The following NAALADL2 variants were observed in gnomAD, a reference collection of about 807,000 sequenced individuals.
NAALADL2 encodes the protein N-acetylated alpha-linked acidic dipeptidase like 2, also known as inactive N-acetylated-alpha-linked acidic dipeptidase-like protein 2.
A neutral mutation model predicts 87.2 loss-of-function variants in NAALADL2; 76 were observed. That is an observed-to-expected ratio of 0.87 (90% CI 0.72 to 1.05). The LOEUF (loss-of-function observed/expected upper bound fraction) is 1.05. Among genes scored for constraint, NAALADL2 ranks in the 50% least tolerant of loss-of-function variants. NAALADL2 has a pLI of 0.00. For missense variants in NAALADL2, 1,089 were observed against 945.8 expected, an observed-to-expected ratio of 1.15 and a Z score of -1.99; for synonymous variants, 354 against 331.0, an observed-to-expected ratio of 1.07 and a Z score of -0.75.
intron 4 of NAALADL2, among the ~76,000 whole-genome samples, chr3:175,267,298 T>C (rs189658240): frequency 1.3e-3 from 202 of 152,242 alleles, no homozygotes; most frequent in African/African-American, 4.7e-3. Flanking sequence ...AATTGTGTGC[T>C]CTAATTGATT....
intron 1 of NAALADL2, among the ~76,000 whole-genome samples, chr3:175,072,895 A>T (rs1436882857): frequency 6.6e-6 from 1 of 151,936 alleles, no homozygotes; most frequent in African/African-American, 2.4e-5. Flanking sequence ...AGAGGCAAAA[A>T]AGTCACTCTG....
At chr3:174,451,794 C>T (rs1008494754) in intron 1 of NAALADL2, among the ~76,000 whole-genome samples, 1 of 144,562 alleles carries the variant, frequency 6.9e-6, no homozygotes, top group Non-Finnish European at 1.5e-5. Flanking sequence ...CAAAAATAAT[C>T]AAAATCAATA....
At chr3:175,101,515 T>C (rs921678892) in intron 2 of NAALADL2, among the ~76,000 whole-genome samples, 2 of 152,178 alleles carry the variant, frequency 1.3e-5, no homozygotes, top group Non-Finnish European at 2.9e-5. Flanking sequence ...AAGCCTCTAA[T>C]AATGTATTTT....
At chr3:174,739,816 T>A (rs1733593402) in intron 3 of NAALADL2, among the ~76,000 whole-genome samples, 1 of 152,078 alleles carries the variant, frequency 6.6e-6, no homozygotes, top group Admixed American at 6.5e-5. Context: ...TGGTTACATC[T>A]ATTTCTTGAC....
At chr3:174,732,792 G>A (rs1732829845) in intron 2 of NAALADL2, among the ~76,000 whole-genome samples, 1 of 152,012 alleles carries the variant, frequency 6.6e-6, no homozygotes, top group Admixed American at 6.6e-5. Context: ...TAATAGAATG[G>A]CAACCATTAA....
intron 2 of NAALADL2, among the ~76,000 whole-genome samples, chr3:174,611,590 T>C (rs554773440): frequency 2.8e-4 from 42 of 152,212 alleles, no homozygotes; most frequent in African/African-American, 1.0e-3. Flanking sequence ...ATTTCTTTTT[T>C]GTTTTCTTTT....
chr3:174,752,583 T>C (rs1389016658), intron 3 of NAALADL2, among the ~76,000 whole-genome samples: 1 of 152,010 alleles, frequency 6.6e-6, no homozygotes, highest in Non-Finnish European at 1.5e-5. Context: ...AATAGGCCAG[T>C]GATTTTTTTT....
At chr3:174,802,738 T>C (rs1688248012) in intron 3 of NAALADL2, among the ~76,000 whole-genome samples, 1 of 152,188 alleles carries the variant, frequency 6.6e-6, no homozygotes, top group South Asian at 2.1e-4. Flanking sequence ...CAGTGTTTTG[T>C]TTTCTGTCCT....
At chr3:175,571,461 C>T (rs1420464715) in intron 9 of NAALADL2, among the ~76,000 whole-genome samples, 1 of 152,160 alleles carries the variant, frequency 6.6e-6, no homozygotes, top group Non-Finnish European at 1.5e-5. Flanking sequence ...CACAAATTTG[C>T]TGCCAACCTC....
At chr3:175,164,810 G>A (rs981292886) in intron 2 of NAALADL2, among the ~76,000 whole-genome samples, 3 of 152,122 alleles carry the variant, frequency 2.0e-5, no homozygotes, top group African/African-American at 7.2e-5. Flanking sequence ...ACCACAATAA[G>A]CATTCTCTAA....
intron 3 of NAALADL2, among the ~76,000 whole-genome samples, chr3:174,776,206 C>A (rs2109126981): frequency 6.6e-6 from 1 of 152,020 alleles, no homozygotes; most frequent in South Asian, 2.1e-4. Context: ...ATAAAACAGC[C>A]CAATACCTCC....
At chr3:175,508,246 A>T (rs1241874005) in intron 9 of NAALADL2, among the ~76,000 whole-genome samples, 1 of 152,176 alleles carries the variant, frequency 6.6e-6, no homozygotes, top group Non-Finnish European at 1.5e-5. Context: ...AACCTCCAAC[A>T]GTGGGGATGA....
At chr3:175,108,067 G>T (rs901305155) in intron 2 of NAALADL2, among the ~76,000 whole-genome samples, 4 of 151,806 alleles carry the variant, frequency 2.6e-5, no homozygotes, top group Non-Finnish European at 5.9e-5. Context: ...GTAACTGATT[G>T]TATGTTATAT....
intron 5 of NAALADL2, among the ~76,000 whole-genome samples, chr3:175,445,148 G>T (rs1720488134): frequency 1.3e-5 from 2 of 152,194 alleles, no homozygotes; most frequent in Admixed American, 6.5e-5. Context: ...ATTCTGTTGG[G>T]TATTTCCTTT....
At chr3:175,727,222 T>A (rs1743058127) in intron 11 of NAALADL2, among the ~76,000 whole-genome samples, 1 of 152,080 alleles carries the variant, frequency 6.6e-6, no homozygotes. Flanking sequence ...CTCATTCAGC[T>A]CTTGGCAACT....
At chr3:175,452,789 G>T (rs928038128) in intron 6 of NAALADL2, among the ~76,000 whole-genome samples, 9 of 152,132 alleles carry the variant, frequency 5.9e-5, no homozygotes, top group African/African-American at 2.2e-4. Context: ...AGGAAAAAGA[G>T]CTTCAGAATT....
intron 2 of NAALADL2, among the ~76,000 whole-genome samples, chr3:174,610,728 C>G (rs1309735427): frequency 6.7e-5 from 7 of 103,876 alleles, no homozygotes; most frequent in Admixed American, 1.1e-4. Flanking sequence ...GGACCGTAAA[C>G]TAGTTCAACC....
intron 2 of NAALADL2, among the ~76,000 whole-genome samples, chr3:175,136,252 C>A (rs1729097314): frequency 1.3e-5 from 2 of 152,092 alleles, no homozygotes. Context: ...GGACATAAGT[C>A]AGATTGTGGG....
At chr3:175,248,411 C>T (rs1748406995) in intron 3 of NAALADL2, among the ~76,000 whole-genome samples, 1 of 152,126 alleles carries the variant, frequency 6.6e-6, no homozygotes, top group African/African-American at 2.4e-5. Flanking sequence ...TTCTGGATCA[C>T]TCAATAACTG....
Sources: allele counts gnomAD v4.1 joint callset (sites outside exome capture counted in the v4.1 genomes callset), GRCh38; gene constraint gnomAD v4.1.1; transcripts MANE v1.5; gene names NCBI Gene and HGNC (gene_info 2026-07-23, HGNC 2026-07-21).